Variants in ADORA2B observed in about 807,000 individuals in gnomAD.
The protein encoded by ADORA2B is adenosine A2b receptor, also known as adenosine receptor A2b.
ADORA2B carries 18 observed loss-of-function variants against 20.8 expected under a neutral mutation model. The observed-to-expected ratio is 0.87, with a 90% CI of 0.60 to 1.29. ADORA2B has a LOEUF of 1.29. Ranked by LOEUF, ADORA2B falls within the 50% of genes most tolerant of loss-of-function variation. The probability of loss-of-function intolerance (pLI) is 0.00; values close to 1 mark genes in which losing one functional copy is unlikely to be tolerated. For missense variants in ADORA2B, 441 were observed against 422.7 expected, an observed-to-expected ratio of 1.04 and a Z score of -0.38; for synonymous variants, 179 against 178.3, an observed-to-expected ratio of 1.00 and a Z score of -0.03.
the ADORA2B span, among the ~76,000 whole-genome samples, chr17:15,912,992 T>A: frequency 1.3e-5 from 2 of 152,078 alleles, no homozygotes; most frequent in Non-Finnish European, 2.9e-5. Flanking sequence ...CGTCAGATGG[T>A]GATGGAGAGA....
the ADORA2B span, among the ~76,000 whole-genome samples, chr17:15,880,295 C>T: frequency 7.5e-5 from 10 of 134,102 alleles, 1 homozygote; most frequent in Admixed American, 6.9e-4. Context: ...CTAGCCCTAT[C>T]TTCTTGGTGG....
intron 1 of ADORA2B, among the ~76,000 whole-genome samples, chr17:15,964,919 G>A (rs1048769016): frequency 6.6e-5 from 10 of 152,026 alleles, no homozygotes; most frequent in African/African-American, 1.4e-4. Flanking sequence ...AAATTAGCCC[G>A]TGTGGCAGCG....
chr17:15,893,056 A>G, the ADORA2B span, among the ~76,000 whole-genome samples: 2 of 152,310 alleles, frequency 1.3e-5, no homozygotes, highest in South Asian at 4.1e-4. Flanking sequence ...ATATTCTTGT[A>G]TATGCACTAA....
In ADORA2B at chr17:15,958,073, A is replaced by G. The variant is rs80206988; in HGVS notation, c.335+12490A>G. Among the ~76,000 whole-genome samples, 5 of 149,696 alleles carry G rather than the reference A, an allele frequency of 3.3e-5. No individual in the cohort carries two copies. In the East Asian group the frequency reaches 9.8e-4, roughly 29 times the overall value. On this transcript the variant is annotated intron_variant, in intron 1 of 1. Coordinates refer to ENST00000304222, the MANE Select transcript of ADORA2B (RefSeq NM_000676.4). Reference sequence around the variant, plus strand: ...TCACTCTTGTTGCCCAGGCTGGAGTACAATGGTGCGATCTTGGTCACCGCA... The same window carrying G: ...TCACTCTTGTTGCCCAGGCTGGAGTGCAATGGTGCGATCTTGGTCACCGCA...
chr17:15,914,927 G>A, the ADORA2B span, among the ~76,000 whole-genome samples: 1 of 152,134 alleles, frequency 6.6e-6, no homozygotes. Context: ...CCCTCATTTC[G>A]TGACTACCTC....
rs762496834 is a variant in ADORA2B at position 15,975,271 on chromosome 17, C to T, written c.928C>T (p.Leu310Phe). ...TFHKIISRYL[L>F]CQADVKSGNG... Reference sequence around the variant, plus strand: ...TCACAAAATTATCTCCAGGTATCTTCTCTGCCAAGCAGATGTCAAGAGTGG... The same window carrying T: ...TCACAAAATTATCTCCAGGTATCTTTTCTGCCAAGCAGATGTCAAGAGTGG... The change falls in exon 2 of 2, where the codon CTC (leucine) becomes TTC (phenylalanine). Residue 310 changes from leucine to phenylalanine, a missense_variant. Leu to Phe is a conservative substitution (Grantham distance 22). Transcript: ENST00000304222. 49 of 1,613,598 alleles carry T rather than the reference C, an allele frequency of 3.0e-5. No individual in the cohort carries two copies. Among genetic ancestry groups the T allele is most frequent in the African/African-American group, 4.0e-5 (3 of 74,902 alleles).
the ADORA2B span, among the ~76,000 whole-genome samples, chr17:15,936,427 T>A: frequency 6.6e-6 from 1 of 152,168 alleles, no homozygotes; most frequent in Admixed American, 6.5e-5. Context: ...CAGGCACTTC[T>A]CATGCCTCAG....
the ADORA2B span, among the ~76,000 whole-genome samples, chr17:15,859,987 G>C: frequency 2.0e-5 from 3 of 152,148 alleles, no homozygotes; most frequent in African/African-American, 7.2e-5. Context: ...AGACAGCCCG[G>C]CACCACACCC....
the ADORA2B span, among the ~76,000 whole-genome samples, chr17:15,933,613 A>G: frequency 3.3e-5 from 5 of 152,196 alleles, no homozygotes; most frequent in African/African-American, 9.7e-5. Context: ...TTGAGTAAAG[A>G]TACAATTAAT....
chr17:15,948,140 C>G (rs1969834984), intron 1 of ADORA2B, among the ~76,000 whole-genome samples: 1 of 152,102 alleles, frequency 6.6e-6, no homozygotes, highest in African/African-American at 2.4e-5. Flanking sequence ...GGACCTACCC[C>G]CAGTTCCTCC....
chr17:15,865,830 C>CTTTTTTT, the ADORA2B span, among the ~76,000 whole-genome samples: 1 of 145,676 alleles, frequency 6.9e-6, no homozygotes, highest in African/African-American at 2.5e-5. Flanking sequence ...TTGCATGTAT[C>CTTTTTTT]TTTTTTTTTT....
chr17:15,851,025 A>T, the ADORA2B span, among the ~76,000 whole-genome samples: 3 of 152,226 alleles, frequency 2.0e-5, no homozygotes, highest in African/African-American at 4.8e-5. Context: ...ATTTGGAGAA[A>T]TGATTCCTTT....
upstream of ADORA2B, chr17:15,945,047 C>A: frequency 2.9e-6 from 1 of 350,412 alleles, no homozygotes; most frequent in Non-Finnish European, 5.0e-6. Context: ...CGGGCGGGCG[C>A]GCGGGCCAAT....
the ADORA2B span, among the ~76,000 whole-genome samples, chr17:15,933,076 A>C: frequency 2.7e-5 from 4 of 150,576 alleles, no homozygotes; most frequent in South Asian, 2.1e-4. Flanking sequence ...CTGCCTCAGC[A>C]TCCCGAGTAG....
At chr17:15,909,517 A>G in the ADORA2B span, among the ~76,000 whole-genome samples, 1 of 152,118 alleles carries the variant, frequency 6.6e-6, no homozygotes. Context: ...CTGCCACCAT[A>G]GTCTGTGTGC....
intron 1 of ADORA2B, among the ~76,000 whole-genome samples, chr17:15,950,885 G>A (rs180754606): frequency 4.9e-4 from 75 of 152,202 alleles, no homozygotes; most frequent in African/African-American, 1.7e-3. Flanking sequence ...CACTGCATTG[G>A]TTTACCGCCA....
the ADORA2B span, among the ~76,000 whole-genome samples, chr17:15,918,111 T>G: frequency 2.0e-5 from 3 of 152,198 alleles, no homozygotes; most frequent in Non-Finnish European, 4.4e-5. Flanking sequence ...GGAAAAGGCC[T>G]TCTTCCCGGT....
intron 1 of ADORA2B, among the ~76,000 whole-genome samples, chr17:15,961,891 T>C (rs1970046430): frequency 6.6e-6 from 1 of 152,226 alleles, no homozygotes; most frequent in African/African-American, 2.4e-5. Flanking sequence ...AGAGCCCTCA[T>C]GACCTGATCG....
the ADORA2B span, among the ~76,000 whole-genome samples, chr17:15,916,839 T>C: frequency 6.6e-6 from 1 of 152,210 alleles, no homozygotes; most frequent in Non-Finnish European, 1.5e-5. Context: ...CAGACCATTT[T>C]ATAGACCAGG....
Sources: gnomAD v4.1 joint callset for allele counts (sites outside exome capture counted in the v4.1 genomes callset) on GRCh38, gnomAD v4.1.1 for gene constraint, MANE v1.5 for transcripts, NCBI Gene and HGNC (gene_info 2026-07-23, HGNC 2026-07-21) for gene names.